The following RAPGEF4 variants were observed in gnomAD, a reference collection of about 807,000 sequenced individuals.
The protein encoded by RAPGEF4 is RAP guanine-nucleotide-exchange factor (GEF) 4.
A neutral mutation model predicts 147.9 loss-of-function variants in RAPGEF4; 66 were observed. That is an observed-to-expected ratio of 0.45 (90% CI 0.37 to 0.55). RAPGEF4 has a LOEUF of 0.55. Among genes scored for constraint, RAPGEF4 ranks in the 20% least tolerant of loss-of-function variants. The pLI is 0.00. For synonymous variants in RAPGEF4, 419 were observed against 442.7 expected (o/e 0.95, Z 0.67); for missense variants, 1,071 against 1,257.3 (o/e 0.85, Z 2.24).
At chr2:173,008,104 T>C (rs1694669296) in intron 17 of RAPGEF4, among the ~76,000 whole-genome samples, 2 of 152,156 alleles carry the variant, frequency 1.3e-5, no homozygotes, top group South Asian at 4.1e-4. Context: ...GTGAGTGAGT[T>C]CTCATGAGAT....
intron 1 of RAPGEF4, among the ~76,000 whole-genome samples, chr2:172,736,478 T>G (rs75118902): frequency 0.025 from 3,762 of 152,276 alleles, 63 homozygotes; most frequent in South Asian, 0.042. Context: ...AGTAACATTC[T>G]TTTTTTGTTC....
intron 1 of RAPGEF4, among the ~76,000 whole-genome samples, chr2:172,757,692 G>T (rs1695909438): frequency 6.6e-6 from 1 of 152,132 alleles, no homozygotes; most frequent in Non-Finnish European, 1.5e-5. Flanking sequence ...TTTGGTATTT[G>T]GGGCCTTGAT....
chr2:172,994,061 A>G (rs2105755634), intron 15 of RAPGEF4, among the ~76,000 whole-genome samples: 1 of 152,304 alleles, frequency 6.6e-6, no homozygotes, highest in Middle Eastern at 3.4e-3. Context: ...CCAACCTTCT[A>G]GTAGAATTAA....
intron 1 of RAPGEF4, among the ~76,000 whole-genome samples, chr2:172,769,698 T>C (rs1697181353): frequency 2.0e-5 from 3 of 152,070 alleles, no homozygotes; most frequent in Admixed American, 2.0e-4. Flanking sequence ...ATGGAGAAAA[T>C]TGAGCTTATC....
rs949895392 is a variant in RAPGEF4, at chr2:172,736,137, G to A, written c.65+89G>A. On this transcript the variant is annotated intron_variant, in intron 1 of 30. Transcript: ENST00000397081. ...CCGCAGCTCCGCACCTGGGCGCAGC[G>A]CGGCCGGGCTGCGGGTGGCCGGGGT... The A allele has an allele frequency of 2.2e-5, 24 of 1,087,770 alleles. No homozygotes were observed. The Middle Eastern group carries it at 1.4e-3, about 64-fold the overall frequency. 67.4% of individuals were successfully genotyped at this position (1,087,770 alleles called of 1,614,324 possible).
chr2:172,820,227 A>G (rs10178693), intron 4 of RAPGEF4, among the ~76,000 whole-genome samples: 33,322 of 152,038 alleles, frequency 0.22, 3,957 homozygotes, highest in Middle Eastern at 0.31. Flanking sequence ...GGTTAAATCC[A>G]TGAAAGATGC....
intron 1 of RAPGEF4, among the ~76,000 whole-genome samples, chr2:172,782,344 A>G (rs907375144): frequency 1.3e-5 from 2 of 152,136 alleles, no homozygotes; most frequent in Admixed American, 6.6e-5. Context: ...TGTTCCAGGT[A>G]AAGTTCTTAG....
At chr2:172,896,060 T>C (rs1698440805) in intron 4 of RAPGEF4, among the ~76,000 whole-genome samples, 2 of 152,202 alleles carry the variant, frequency 1.3e-5, no homozygotes, top group African/African-American at 4.8e-5. Flanking sequence ...GTCAACATTT[T>C]AAACATTTCT....
chr2:173,016,547 A>G, intron 19 of RAPGEF4, 110 bp downstream of exon 19: 1 of 870,250 alleles, frequency 1.1e-6, no homozygotes, highest in Non-Finnish European at 1.9e-6. Context: ...GCCCCGCTTG[A>G]TTTGATTTAA....
At chr2:173,009,887 C>A (rs1047347829) in intron 17 of RAPGEF4, among the ~76,000 whole-genome samples, 24 of 152,210 alleles carry the variant, frequency 1.6e-4, no homozygotes, top group Non-Finnish European at 2.8e-4. Context: ...ATTTCTACAT[C>A]TCAGATGGAT....
At chr2:172,915,285 A>G (rs1292852623) in intron 4 of RAPGEF4, among the ~76,000 whole-genome samples, 1 of 152,228 alleles carries the variant, frequency 6.6e-6, no homozygotes, top group Non-Finnish European at 1.5e-5. Flanking sequence ...AAGTTTGACC[A>G]TCAACTGGAT....
At chr2:173,045,009 G>T (rs1262375372) in intron 29 of RAPGEF4, among the ~76,000 whole-genome samples, 1 of 152,130 alleles carries the variant, frequency 6.6e-6, no homozygotes, top group African/African-American at 2.4e-5. Flanking sequence ...TGTAATTTTT[G>T]GTTTCACCCC....
At chr2:173,041,604 G>A (rs1333042477) in intron 29 of RAPGEF4, among the ~76,000 whole-genome samples, 1 of 152,116 alleles carries the variant, frequency 6.6e-6, no homozygotes, top group Non-Finnish European at 1.5e-5. Flanking sequence ...ATGTCAGAAA[G>A]CAAAATGCAG....
rs183081245 is a variant in RAPGEF4 at position 173,035,316 on chromosome 2, G to A, written c.2701-809G>A. On this transcript the variant is annotated intron_variant, in intron 27 of 30. Coordinates refer to ENST00000397081, the MANE Select transcript of RAPGEF4 (RefSeq NM_007023.4). ...GAGGTCAGGAGATCAAGACCATTCT[G>A]GCTAACATGGTGAAACCCCGTCTCT... 7.9e-4 allele frequency among the ~76,000 whole-genome samples: 120 copies of A among 152,116 alleles called. 1 individual carries two copies. The highest frequency in any genetic ancestry group is 4.6e-4 in the Non-Finnish European group (31 of 68,004).
chr2:172,944,821 C>T (rs761048411), intron 6 of RAPGEF4, among the ~76,000 whole-genome samples: 1 of 152,122 alleles, frequency 6.6e-6, no homozygotes, highest in Non-Finnish European at 1.5e-5. Flanking sequence ...AATAAAAGAA[C>T]ACAAGAACAT....
chr2:172,986,001 T>C (rs1399785311), intron 12 of RAPGEF4, among the ~76,000 whole-genome samples: 2 of 152,250 alleles, frequency 1.3e-5, no homozygotes, highest in Non-Finnish European at 2.9e-5. Flanking sequence ...TAATCTATAG[T>C]ATCTCACCAA....
chr2:173,015,467 C>G (rs993879382), intron 18 of RAPGEF4, among the ~76,000 whole-genome samples: 3 of 152,206 alleles, frequency 2.0e-5, no homozygotes, highest in South Asian at 2.1e-4. Flanking sequence ...CATACACCGT[C>G]TCTCCTTTCT....
intron 15 of RAPGEF4, among the ~76,000 whole-genome samples, chr2:172,994,612 C>T (rs1426006649): frequency 2.0e-5 from 3 of 152,226 alleles, no homozygotes; most frequent in African/African-American, 4.8e-5. Context: ...TCTCTAACCC[C>T]GTTTCCTGAT....
Position 172,797,592 on chromosome 2 carries a change from A to T in RAPGEF4, c.276A>T (p.Val92=). Residue 92 remains valine (V), a synonymous_variant, in exon 3 of 31, where the codon GTA becomes GTT. Transcript: ENST00000397081. The part of the protein sequence containing the change: ...AVLAGSLDVK[V]SETSSHQDAV... ...TGGCAGGGTCTTTGGATGTTAAAGT[A>T]TCTGAGACCAGCAGTCACCAGGTAA... 6.2e-7 allele frequency: 1 copy of T among 1,613,504 alleles called. No homozygotes were observed. The highest frequency in any genetic ancestry group is 8.5e-7 in the Non-Finnish European group (1 of 1,179,612).
Sources: gnomAD v4.1 joint callset for allele counts (sites outside exome capture counted in the v4.1 genomes callset) on GRCh38, gnomAD v4.1.1 for gene constraint, MANE v1.5 for transcripts, NCBI Gene and HGNC (gene_info 2026-07-23, HGNC 2026-07-21) for gene names.